Variants in ASIC1 observed in about 807,000 individuals in gnomAD.
ASIC1 encodes the protein acid sensing ion channel subunit 1, also known as acid-sensing ion channel 1.
Under a neutral mutation model 63.4 loss-of-function variants are expected in ASIC1, and 21 were observed. That is an observed-to-expected ratio of 0.33 (90% CI 0.23 to 0.48). ASIC1 has a LOEUF of 0.48. Ranked by LOEUF, ASIC1 falls within the 20% of genes least tolerant of loss-of-function variation. ASIC1 has a pLI of 0.99. For missense variants in ASIC1, 478 were observed against 695.5 expected (o/e 0.69, Z 3.52); for synonymous variants, 258 against 278.2 (o/e 0.93, Z 0.72).
intron 3 of ASIC1, among the ~76,000 whole-genome samples, chr12:50,067,569 C>T (rs836188): frequency 0.33 from 50,402 of 151,946 alleles, 9,785 homozygotes; most frequent in Middle Eastern, 0.46. Flanking sequence ...CCACCATGCG[C>T]GGCTATTTTT....
intron 3 of ASIC1, among the ~76,000 whole-genome samples, chr12:50,069,158 C>A (rs1272857492): frequency 1.3e-5 from 2 of 152,134 alleles, no homozygotes; most frequent in Non-Finnish European, 2.9e-5. Context: ...GAATATCCTC[C>A]CTCCTCCACA....
At chr12:50,060,279 C>T (rs921416906) in intron 3 of ASIC1, among the ~76,000 whole-genome samples, 1 of 152,186 alleles carries the variant, frequency 6.6e-6, no homozygotes, top group Admixed American at 6.5e-5. Flanking sequence ...GGTGTCAGAG[C>T]TGAGCAGACA....
chr12:50,073,462 T>C (rs1319281056), intron 3 of ASIC1: 2 of 1,426,122 alleles, frequency 1.4e-6, no homozygotes, highest in South Asian at 3.1e-5. Context: ...TGGGCTGAGA[T>C]ACCTGGCTGA....
chr12:50,081,535 C>A lies in ASIC1; in HGVS notation c.1483-10C>A. 6.2e-7 allele frequency: 1 copy of A among 1,614,032 alleles called. No homozygotes were observed. Among genetic ancestry groups the A allele is most frequent in the African/African-American group, 1.3e-5 (1 of 75,046 alleles). On this transcript the variant is annotated splice_polypyrimidine_tract_variant and intron_variant, in intron 11 of 11. Coordinates refer to ENST00000447966, the MANE Select transcript of ASIC1 (RefSeq NM_001095.4). ...GGATAACCCGTCCCTGTCCTGTCCC[C>A]TTCCCCCAGAACCCGTGCGAGAGCC...
rs74090047 is a variant in ASIC1, at chr12:50,080,489, C to T, written c.1206-9C>T. The stretch of plus-strand genomic sequence containing the variant: ...TGAACCTAGGTCTCCTCCCCCAATC[C>T]CTGTGCAGGGAGAACATCCTGGTGC... On this transcript the variant is annotated splice_polypyrimidine_tract_variant and intron_variant, in intron 8 of 11. Coordinates refer to ENST00000447966, the MANE Select transcript of ASIC1 (RefSeq NM_001095.4). 3.8e-3 allele frequency: 6,072 copies of T among 1,613,646 alleles called. 206 individuals are homozygous for T. The African/African-American group carries it at 0.072, about 19-fold the overall frequency.
In ASIC1 at chr12:50,058,891, A is replaced by G; in HGVS notation, c.125A>G (p.Lys42Arg). The change falls in exon 2 of 12, where the codon AAG (lysine) becomes AGG (arginine). Residue 42 changes from lysine (K) to arginine (R), a missense_variant. By Grantham distance (26) the Lys-to-Arg change is conservative. Transcript: ENST00000447966. ...HIFSYERLSL[K>R]RALWALCFLG... ...TTCTCCTACGAGCGGCTGTCTCTGA[A>G]GCGGGCACTGTGGGCCCTGTGCTTC... is the stretch of plus-strand genomic sequence containing the variant. 1.9e-6 allele frequency: 3 copies of G among 1,614,128 alleles called. No individual in the cohort carries two copies. Among genetic ancestry groups the G allele is most frequent in the Admixed American group, 3.3e-5 (2 of 60,030 alleles).
Position 50,063,158 on chromosome 12 carries a change from C to A in ASIC1, c.558+3204C>A, listed in dbSNP as rs551524149. Among the ~76,000 whole-genome samples, 5 of 152,230 alleles carry A rather than the reference C, an allele frequency of 3.3e-5. No individual in the cohort carries two copies. The East Asian group carries it at 9.7e-4, about 29-fold the overall frequency. Reference sequence around the variant, plus strand: ...TCCATGGCTCCTCTCTCCTGCCCCACCTTGAGGCCAGCCAGGCCAAGGCAG... The same window carrying A: ...TCCATGGCTCCTCTCTCCTGCCCCAACTTGAGGCCAGCCAGGCCAAGGCAG... On this transcript the variant is annotated intron_variant, in intron 3 of 11. Transcript: ENST00000447966.
chr12:50,062,277 C>T (rs1950507726), intron 3 of ASIC1, among the ~76,000 whole-genome samples: 1 of 152,212 alleles, frequency 6.6e-6, no homozygotes. Flanking sequence ...CATGCTCTCC[C>T]TTCTCTCCTC....
chr12:50,075,391 C>T (rs185546321), intron 3 of ASIC1, among the ~76,000 whole-genome samples: 1 of 152,214 alleles, frequency 6.6e-6, no homozygotes, highest in Non-Finnish European at 1.5e-5. Flanking sequence ...GCAGCCCTGT[C>T]CTCTGAACCG....
chr12:50,067,675 T>TC (rs1423258701), intron 3 of ASIC1, among the ~76,000 whole-genome samples: 1 of 152,214 alleles, frequency 6.6e-6, no homozygotes, highest in Non-Finnish European at 1.5e-5. Context: ...TGTCTCGGCC[T>TC]CCCGGAGTGC....
intron 3 of ASIC1, among the ~76,000 whole-genome samples, chr12:50,065,548 G>A (rs552076120): frequency 2.4e-4 from 37 of 152,312 alleles, no homozygotes; most frequent in African/African-American, 8.7e-4. Context: ...CTGGACACAG[G>A]AATTGGACAT....
intron 4 of ASIC1, 136 bp from the exon 5 acceptor site, chr12:50,077,864 A>G: frequency 7.6e-7 from 1 of 1,309,892 alleles, no homozygotes; most frequent in Admixed American, 2.3e-5. Flanking sequence ...GGGGTGGGCT[A>G]GGACCCTATA....
chr12:50,078,026 A>G lies in ASIC1; in HGVS notation c.736A>G (p.Lys246Glu). 1 of 1,613,748 alleles carries G rather than the reference A, an allele frequency of 6.2e-7. No homozygotes were observed. Residue 246 changes from lysine (K) to glutamate (E), a missense_variant, in exon 5 of 12, where the codon AAA becomes GAA. By Grantham distance (56) the Lys-to-Glu change is moderately conservative (BLOSUM62 1). This residue lies in a region of ASIC1 where 290 missense variants were observed against 414.9 expected (regional missense o/e 0.70). Coordinates refer to ENST00000447966, the MANE Select transcript of ASIC1 (RefSeq NM_001095.4). This position sits in a 1 kb window ranked among gnomAD's most constrained non-coding sequence, Gnocchi z 6.0. ...TDETSFEAGI[K>E]VQIHSQDEPP... ...CGAGACGTCCTTCGAAGCAGGCATC[A>G]AAGTGCAGATCCATAGTCAGGATGA...
chr12:50,077,156 C>T, intron 3 of ASIC1, 57 bp from the exon 4 acceptor site: 2 of 1,608,288 alleles, frequency 1.2e-6, no homozygotes, highest in Non-Finnish European at 1.7e-6. Flanking sequence ...AGGAACAGCC[C>T]TTGGTGAGTA....
At position 50,081,146 on chromosome 12, in the gene ASIC1, C is replaced by T. The variant is rs1310901189; in HGVS notation, c.1342C>T (p.Leu448Phe). 1.2e-6 allele frequency: 2 copies of T among 1,612,356 alleles called. No individual in the cohort carries two copies. The highest frequency in any genetic ancestry group is 2.2e-5 in the East Asian group (1 of 44,810). The change falls in exon 10 of 12, where the codon CTC (leucine) becomes TTC (phenylalanine). Residue 448 changes from leucine (L) to phenylalanine (F), a missense_variant. Around this residue, in one of 3 missense-constraint regions of ASIC1, gnomAD observed 84 missense variants for 183.5 expected, o/e 0.46. Transcript: ENST00000447966. ...QMGLFIGASI[L>F]TVLELFDYAY... ...GGGGCTGTTCATCGGGGCCAGCATCCTCACGGTGCTGGAGCTCTTTGACTA... is the reference window on the plus strand; with the variant it reads ...GGGGCTGTTCATCGGGGCCAGCATCTTCACGGTGCTGGAGCTCTTTGACTA...
chr12:50,075,096 G>A (rs1221363187), intron 3 of ASIC1, among the ~76,000 whole-genome samples: 7 of 151,882 alleles, frequency 4.6e-5, no homozygotes, highest in Admixed American at 4.6e-4. Flanking sequence ...CATCTTCCAG[G>A]TCTGTCTGGC....
intron 3 of ASIC1, among the ~76,000 whole-genome samples, chr12:50,069,413 C>T (rs912462786): frequency 6.6e-6 from 1 of 152,132 alleles, no homozygotes; most frequent in South Asian, 2.1e-4. Context: ...CATGCCTCAG[C>T]CTCCCAAGTA....
chr12:50,077,155 C>T, intron 3 of ASIC1, 58 bp from the exon 4 acceptor site: 1 of 1,608,290 alleles, frequency 6.2e-7, no homozygotes, highest in Non-Finnish European at 8.5e-7. Flanking sequence ...TAGGAACAGC[C>T]CTTGGTGAGT....
intron 3 of ASIC1, among the ~76,000 whole-genome samples, chr12:50,067,530 C>A (rs1162019262): frequency 6.6e-6 from 1 of 152,034 alleles, no homozygotes; most frequent in Non-Finnish European, 1.5e-5. Flanking sequence ...CTGCCTCAGC[C>A]TCCTGAGTAG....
Sources: gnomAD v4.1 joint callset for allele counts (sites outside exome capture counted in the v4.1 genomes callset) on GRCh38, gnomAD v4.1.1 for gene constraint, gnomAD v4.1.1 regional missense constraint, Gnocchi (gnomAD v3.1) non-coding constraint, MANE v1.5 for transcripts, NCBI Gene and HGNC (gene_info 2026-07-23, HGNC 2026-07-21) for gene names.